The following NRIP1 variants were observed in gnomAD, a reference collection of about 807,000 sequenced individuals.
NRIP1 encodes the protein nuclear receptor-interacting protein 1.
A neutral mutation model predicts 75.0 loss-of-function variants in NRIP1; 28 were observed. The observed-to-expected ratio is 0.37, with a 90% CI of 0.28 to 0.51. The LOEUF (loss-of-function observed/expected upper bound fraction) is 0.51. Among genes scored for constraint, NRIP1 ranks in the 20% least tolerant of loss-of-function variants. NRIP1 has a pLI of 0.92. For missense variants in NRIP1, 1,435 were observed against 1,343.7 expected, an observed-to-expected ratio of 1.07 and a Z score of -1.06; for synonymous variants, 526 against 487.6, an observed-to-expected ratio of 1.08 and a Z score of -1.04.
intron 1 of NRIP1, chr21:15,050,634 C>T (rs1037653177): frequency 1.2e-5 from 5 of 419,542 alleles, no homozygotes; most frequent in African/African-American, 8.2e-5. Context: ...TTCAAACTCA[C>T]GTGACCACAG....
chr21:15,042,346 A>T (rs2147320491), intron 2 of NRIP1, among the ~76,000 whole-genome samples: 1 of 152,236 alleles, frequency 6.6e-6, no homozygotes, highest in East Asian at 1.9e-4. Context: ...AACACAAGAT[A>T]CAGAGGAGGT....
rs549067420 is a variant in NRIP1, at chr21:14,965,341, G to A, written c.2852C>T (p.Pro951Leu). 3.9e-5 allele frequency: 63 copies of A among 1,613,970 alleles called. No individual in the cohort carries two copies. The highest frequency in any genetic ancestry group is 4.9e-5 in the Non-Finnish European group (58 of 1,179,950). The change falls in exon 4 of 4, where the codon CCG (proline) becomes CTG (leucine). Residue 951 changes from proline (P) to leucine (L), a missense_variant. Coordinates refer to ENST00000318948, the MANE Select transcript of NRIP1 (RefSeq NM_003489.4). ...LSENCVRDLS[P>L]HRSNSVADSK... is the part of the protein sequence containing the mutation. ...GTCAGCCACAGAGTTACTTCTGTGC[G>A]GGGACAAATCTCGCACACAGTTTTC...
intron 3 of NRIP1, among the ~76,000 whole-genome samples, chr21:14,997,380 T>C (rs987946652): frequency 2.0e-5 from 3 of 152,174 alleles, no homozygotes; most frequent in African/African-American, 7.2e-5. Context: ...TTGATACATA[T>C]TTTAATAAAT....
chr21:15,025,720 G>A (rs2088501104), intron 2 of NRIP1, among the ~76,000 whole-genome samples: 1 of 152,106 alleles, frequency 6.6e-6, no homozygotes, highest in Admixed American at 6.6e-5. Context: ...AGAAGACACA[G>A]TATCACTTCT....
intron 3 of NRIP1, among the ~76,000 whole-genome samples, chr21:15,000,301 G>A (rs534291171): frequency 2.0e-5 from 3 of 152,228 alleles, no homozygotes; most frequent in East Asian, 1.9e-4. Context: ...GGAATGTATC[G>A]GGGTGGGTGA....
chr21:14,978,817 T>G (rs2087151543), intron 3 of NRIP1, among the ~76,000 whole-genome samples: 1 of 152,182 alleles, frequency 6.6e-6, no homozygotes, highest in South Asian at 2.1e-4. Context: ...GATGAAAAAG[T>G]TGGAGATTTT....
chr21:15,025,949 T>G (rs1260146830), intron 2 of NRIP1, among the ~76,000 whole-genome samples: 3 of 152,192 alleles, frequency 2.0e-5, no homozygotes, highest in Non-Finnish European at 2.9e-5. Flanking sequence ...ATCCTTTTGC[T>G]GAAAAGGACA....
At position 14,967,238 on chromosome 21, in the gene NRIP1, T is replaced by C; in HGVS notation, c.955A>G (p.Lys319Glu). The C allele has an allele frequency of 1.2e-6, 2 of 1,614,028 alleles. No homozygotes were observed. The highest frequency in any genetic ancestry group is 8.5e-7 in the Non-Finnish European group (1 of 1,179,994). The change falls in exon 4 of 4, where the codon AAA (lysine) becomes GAA (glutamate). Residue 319 changes from lysine to glutamate, a missense_variant. Transcript: ENST00000318948. ...CCATTAAGATGGCTTGACATTCCTT[T>C]TGGGAGCTGGTAACTGCCAACATCC... ...QKDVGSYQLP[K>E]GMSSHLNGQA... is the part of the protein sequence containing the mutation.
chr21:15,030,583 C>T (rs1412961912), intron 2 of NRIP1, among the ~76,000 whole-genome samples: 2 of 152,148 alleles, frequency 1.3e-5, no homozygotes, highest in Non-Finnish European at 2.9e-5. Context: ...AAACATATTA[C>T]CAAAGCAAAG....
rs544475955 is a variant in NRIP1 at position 15,055,706 on chromosome 21, A to C, written c.-538+9039T>G. 2.0e-5 allele frequency among the ~76,000 whole-genome samples: 3 copies of C among 152,330 alleles called. No individual in the cohort carries two copies. In the East Asian group the frequency reaches 5.8e-4, roughly 29 times the overall value. On this transcript the variant is annotated intron_variant, in intron 1 of 3. Coordinates refer to ENST00000318948, the MANE Select transcript of NRIP1 (RefSeq NM_003489.4). ...CTCTTTCTGAGACTGCTTTGACAAA[A>C]ATAAACAAAAAAGTGTGAAATAAAT...
intron 2 of NRIP1, among the ~76,000 whole-genome samples, chr21:15,036,097 C>T (rs914389056): frequency 6.6e-6 from 1 of 152,076 alleles, no homozygotes; most frequent in Non-Finnish European, 1.5e-5. Flanking sequence ...TGACAATAAA[C>T]AGGCTGTCTT....
chr21:15,020,330 C>T (rs1232402818), intron 2 of NRIP1, among the ~76,000 whole-genome samples: 6 of 152,232 alleles, frequency 3.9e-5, no homozygotes, highest in African/African-American at 1.2e-4. Context: ...ACAAATATGC[C>T]ACTGCAATTA....
At chr21:14,994,776 C>A (rs1399460353) in intron 3 of NRIP1, among the ~76,000 whole-genome samples, 1 of 152,138 alleles carries the variant, frequency 6.6e-6, no homozygotes, top group African/African-American at 2.4e-5. Context: ...TAGGTTCAGG[C>A]AGTAACTTTT....
chr21:14,968,809 G>A (rs1053764437), intron 3 of NRIP1, among the ~76,000 whole-genome samples: 8 of 152,094 alleles, frequency 5.3e-5, no homozygotes, highest in East Asian at 1.9e-4. Context: ...TTCCAAAGCC[G>A]CCAAGTCTCT....
At chr21:15,056,447 A>T (rs942635282) in intron 1 of NRIP1, among the ~76,000 whole-genome samples, 10 of 152,196 alleles carry the variant, frequency 6.6e-5, no homozygotes, top group South Asian at 2.1e-4. Flanking sequence ...TGGTAAATTT[A>T]AAAAAGACTG....
chr21:15,042,364 C>T (rs1056565993), intron 2 of NRIP1, among the ~76,000 whole-genome samples: 16 of 152,076 alleles, frequency 1.1e-4, no homozygotes, highest in Non-Finnish European at 1.8e-4. Context: ...GGTATAAGGT[C>T]GAATATTAAG....
chr21:14,971,068 T>C (rs2086891981), intron 3 of NRIP1, among the ~76,000 whole-genome samples: 1 of 152,228 alleles, frequency 6.6e-6, no homozygotes, highest in Non-Finnish European at 1.5e-5. Context: ...AATCCATTTT[T>C]TGGCAATCAG....
At chr21:14,991,342 G>T (rs751270911) in intron 3 of NRIP1, 3 of 150,288 alleles carry the variant, frequency 2.0e-5, no homozygotes, top group Non-Finnish European at 3.0e-5. Context: ...TGTTCTAGGT[G>T]TTATTTTCTC....
intron 3 of NRIP1, among the ~76,000 whole-genome samples, chr21:15,013,282 C>T (rs1568979620): frequency 6.6e-6 from 1 of 152,144 alleles, no homozygotes; most frequent in Admixed American, 6.5e-5. Flanking sequence ...ACAAGAAAAG[C>T]TAAGCATTTA....
Sources: gnomAD v4.1 joint callset for allele counts (sites outside exome capture counted in the v4.1 genomes callset) on GRCh38, gnomAD v4.1.1 for gene constraint, MANE v1.5 for transcripts, NCBI Gene and HGNC (gene_info 2026-07-23, HGNC 2026-07-21) for gene names.